The following KIAA1549L variants were observed in gnomAD, a reference collection of about 807,000 sequenced individuals.
The protein encoded by KIAA1549L is UPF0606 protein KIAA1549L.
Under a neutral mutation model 160.7 loss-of-function variants are expected in KIAA1549L, and 88 were observed. That is an observed-to-expected ratio of 0.55 (90% CI 0.46 to 0.65). The LOEUF is 0.65. Among genes scored for constraint, KIAA1549L ranks in the 30% least tolerant of loss-of-function variants. The pLI, the probability that KIAA1549L is intolerant of heterozygous loss-of-function variation, is 0.00. For missense variants in KIAA1549L, 2,258 were observed against 2,437.5 expected, an observed-to-expected ratio of 0.93 and a Z score of 1.55; for synonymous variants, 950 against 976.7, an observed-to-expected ratio of 0.97 and a Z score of 0.51.
At chr11:33,555,033 T>G (rs535655602) in intron 6 of KIAA1549L, among the ~76,000 whole-genome samples, 16 of 150,348 alleles carry the variant, frequency 1.1e-4, no homozygotes, top group African/African-American at 3.9e-4. Context: ...ATCAGTGCCA[T>G]GACTTTGAAC....
At chr11:33,532,344 A>G (rs1164960891) in intron 1 of KIAA1549L, among the ~76,000 whole-genome samples, 1 of 152,260 alleles carries the variant, frequency 6.6e-6, no homozygotes, top group Non-Finnish European at 1.5e-5. Flanking sequence ...TCCTCTGAGC[A>G]AAACTTTGAT....
chr11:33,413,060 T>G (rs960568345), intron 1 of KIAA1549L, among the ~76,000 whole-genome samples: 16 of 152,134 alleles, frequency 1.1e-4, no homozygotes, highest in African/African-American at 3.9e-4. Flanking sequence ...AAGCCAGGTC[T>G]GGGGAACATG....
intron 1 of KIAA1549L, among the ~76,000 whole-genome samples, chr11:33,465,044 TTC>T (rs1852023935): frequency 7.4e-6 from 1 of 136,004 alleles, no homozygotes; most frequent in East Asian, 2.0e-4. Flanking sequence ...TGGGACCTTC[TTC>T]TTTTTTTTTT....
chr11:33,386,266 A>G (rs1251936475), intron 1 of KIAA1549L, among the ~76,000 whole-genome samples: 4 of 152,218 alleles, frequency 2.6e-5, no homozygotes, highest in Admixed American at 2.6e-4. Flanking sequence ...CTTCTCTAGC[A>G]AATTTGCTGT....
intron 1 of KIAA1549L, among the ~76,000 whole-genome samples, chr11:33,431,086 G>C (rs1377743378): frequency 6.6e-6 from 1 of 152,128 alleles, no homozygotes; most frequent in African/African-American, 2.4e-5. Context: ...GAGTGCTACA[G>C]CTCTTAAGGC....
At chr11:33,390,709 T>A (rs1850257388) in intron 1 of KIAA1549L, among the ~76,000 whole-genome samples, 1 of 152,232 alleles carries the variant, frequency 6.6e-6, no homozygotes, top group Non-Finnish European at 1.5e-5. Flanking sequence ...AACATTTGTC[T>A]CCTCCTTCGT....
intron 10 of KIAA1549L, among the ~76,000 whole-genome samples, chr11:33,578,744 G>T (rs1259632083): frequency 1.3e-5 from 2 of 152,282 alleles, no homozygotes; most frequent in East Asian, 3.9e-4. Context: ...CCACATAGGG[G>T]TTTTCATCCT....
rs368430852 is a variant in KIAA1549L at position 33,638,481 on chromosome 11, T to C, written c.5410-7205T>C. Among the ~76,000 whole-genome samples the C allele has an allele frequency of 7.5e-4, 114 of 152,068 alleles. 1 individual carries two copies. Among genetic ancestry groups the C allele is most frequent in the East Asian group, 7.3e-3 (38 of 5,190 alleles). ...ATAAAATACTCATCTATGAGTATTT[T>C]ATTCTCTTTTATACTGGGTACTATT... On this transcript the variant is annotated intron_variant, in intron 16 of 20. Coordinates refer to ENST00000658780, the MANE Select transcript of KIAA1549L (RefSeq NM_012194.3).
In KIAA1549L at chr11:33,667,861, C is replaced by T. The variant is rs76125120; in HGVS notation, c.6160-12C>T. 2.0e-3 allele frequency: 3,270 copies of T among 1,602,948 alleles called. 56 individuals carry two copies. In the African/African-American group the frequency reaches 0.039, roughly 19 times the overall value. On this transcript the variant is annotated splice_polypyrimidine_tract_variant and intron_variant, in intron 20 of 20. Transcript: ENST00000658780. ...GCCAGGCCCTGTCCTTCTCTCCCCACGCCCTCTGCAGGTGCCCCTCCCAGG... is the reference window on the plus strand; with the variant it reads ...GCCAGGCCCTGTCCTTCTCTCCCCATGCCCTCTGCAGGTGCCCCTCCCAGG...
intron 4 of KIAA1549L, among the ~76,000 whole-genome samples, chr11:33,548,816 GCTT>G (rs1321292671): frequency 6.6e-6 from 1 of 152,134 alleles, no homozygotes; most frequent in African/African-American, 2.4e-5. Flanking sequence ...TATTGCTGTG[GCTT>G]CTTCTTTTGA....
At chr11:33,464,481 T>TGTGC (rs1852005003) in intron 1 of KIAA1549L, among the ~76,000 whole-genome samples, 1 of 145,286 alleles carries the variant, frequency 6.9e-6, no homozygotes, top group African/African-American at 2.6e-5. Flanking sequence ...TGCATGTGTG[T>TGTGC]GTGTGTGTGT....
At chr11:33,490,414 T>C (rs1852630723) in intron 1 of KIAA1549L, among the ~76,000 whole-genome samples, 1 of 149,906 alleles carries the variant, frequency 6.7e-6, no homozygotes, top group South Asian at 2.1e-4. Context: ...ACCTCCGCCC[T>C]CTGGGCTCAA....
At chr11:33,581,397 TTGTGTGTGTGTG>T (rs10579855) in intron 10 of KIAA1549L, among the ~76,000 whole-genome samples, 46 of 149,776 alleles carry the variant, frequency 3.1e-4, no homozygotes, top group Middle Eastern at 6.8e-3. Context: ...TTCTGACAAA[TTGTGTGTGTGTG>T]TGTGTGTGTG....
chr11:33,499,908 ATTT>A (rs938546140), intron 1 of KIAA1549L, among the ~76,000 whole-genome samples: 4 of 152,126 alleles, frequency 2.6e-5, no homozygotes, highest in African/African-American at 9.7e-5. Context: ...GATGTATCTG[ATTT>A]TTTTGGTTTG....
chr11:33,440,287 G>A (rs1053991731), intron 1 of KIAA1549L, among the ~76,000 whole-genome samples: 1 of 149,886 alleles, frequency 6.7e-6, no homozygotes, highest in Non-Finnish European at 1.5e-5. Flanking sequence ...CCGCCACTAC[G>A]CCCGGCTAAT....
intron 8 of KIAA1549L, among the ~76,000 whole-genome samples, chr11:33,563,212 G>A (rs556731350): frequency 7.5e-4 from 114 of 152,046 alleles, no homozygotes; most frequent in Non-Finnish European, 1.4e-3. Flanking sequence ...AGCCTGGCCT[G>A]GTGGCAGGTG....
At chr11:33,486,435 G>A (rs998915113) in intron 1 of KIAA1549L, among the ~76,000 whole-genome samples, 2 of 152,074 alleles carry the variant, frequency 1.3e-5, no homozygotes, top group Admixed American at 6.6e-5. Context: ...TAAGACATTT[G>A]TATGTTTTTT....
intron 16 of KIAA1549L, among the ~76,000 whole-genome samples, chr11:33,632,779 A>G (rs1220993152): frequency 1.3e-5 from 2 of 151,878 alleles, no homozygotes; most frequent in Non-Finnish European, 1.5e-5. Context: ...TTTTGTAGAA[A>G]TGGGGTCTCC....
chr11:33,474,560 A>G (rs1209162906), intron 1 of KIAA1549L, among the ~76,000 whole-genome samples: 4 of 152,154 alleles, frequency 2.6e-5, no homozygotes, highest in Admixed American at 2.6e-4. Context: ...CCCACTTTAG[A>G]CTCAAGCCTG....
Sources: allele counts gnomAD v4.1 joint callset (sites outside exome capture counted in the v4.1 genomes callset), GRCh38; gene constraint gnomAD v4.1.1; transcripts MANE v1.5; gene names NCBI Gene and HGNC (gene_info 2026-07-23, HGNC 2026-07-21).